The following ADCY3 variants were observed in gnomAD, a reference collection of about 807,000 sequenced individuals.
The protein encoded by ADCY3 is adenylate cyclase type 3.
A neutral mutation model predicts 119.4 loss-of-function variants in ADCY3; 70 were observed. The ratio of observed to expected loss-of-function variants is 0.59; its 90% CI spans 0.48 to 0.72. The LOEUF (loss-of-function observed/expected upper bound fraction) is 0.72, where lower values mean the gene tolerates loss of function less well. ADCY3 is among the 30% of genes least tolerant of loss of function. The pLI is 0.00. For missense variants in ADCY3, 1,238 were observed against 1,541.6 expected (o/e 0.80, Z 3.30); for synonymous variants, 672 against 621.4 (o/e 1.08, Z -1.21).
rs950117943 is a variant in ADCY3 at position 24,873,158 on chromosome 2, T to C, written c.676-439A>G. 3.3e-5 allele frequency among the ~76,000 whole-genome samples: 5 copies of C among 152,206 alleles called. No homozygotes were observed. The East Asian group carries it at 9.6e-4, about 29-fold the overall frequency. On this transcript the variant is annotated intron_variant, in intron 2 of 21. Transcript: ENST00000679454. ...TCTGCCAATTTGTTGGTAAGGAGGG[T>C]GCACAAATCCCAGGTCCCACTGAGC...
rs1230988837 is a variant in ADCY3 at position 24,834,902 on chromosome 2, C to T, written c.1697G>A (p.Arg566Lys). 1.3e-5 allele frequency: 21 copies of T among 1,613,716 alleles called. No homozygotes were observed. The highest frequency in any genetic ancestry group is 1.7e-5 in the Non-Finnish European group (20 of 1,179,994). Reference sequence around the variant, plus strand: ...GTCAGCCAGGTCCTGCAGGCGCAGCCTCCGGCGTGGGTTGGGGAATGAGGG... The same window carrying T: ...GTCAGCCAGGTCCTGCAGGCGCAGCTTCCGGCGTGGGTTGGGGAATGAGGG... ...DNPSFPNPRR[R>K]LRLQDLADRV... Residue 566 changes from arginine to lysine, a missense_variant, in exon 10 of 22, where the codon AGG (arginine) becomes AAG (lysine). Around this residue, in one of 7 missense-constraint regions of ADCY3, gnomAD observed 499 missense variants for 571.0 expected, o/e 0.87. Transcript: ENST00000679454. This position sits in a 1 kb window ranked among gnomAD's most constrained non-coding sequence, Gnocchi z 4.2.
chr2:24,870,905 T>C (rs1053481190), intron 3 of ADCY3, among the ~76,000 whole-genome samples: 25 of 152,276 alleles, frequency 1.6e-4, no homozygotes, highest in African/African-American at 5.3e-4. Flanking sequence ...AAAGTGAGGC[T>C]CTGTAGGGTG....
intron 3 of ADCY3, among the ~76,000 whole-genome samples, chr2:24,866,424 T>C (rs1010387839): frequency 2.0e-5 from 3 of 151,898 alleles, no homozygotes; most frequent in Non-Finnish European, 2.9e-5. Context: ...AACCATTTTT[T>C]TAATTAGCTG....
At chr2:24,888,130 A>G (rs1677278407) in intron 2 of ADCY3, among the ~76,000 whole-genome samples, 1 of 152,186 alleles carries the variant, frequency 6.6e-6, no homozygotes, top group African/African-American at 2.4e-5. Flanking sequence ...ACAAAACTCA[A>G]ATTTCATCAC....
At chr2:24,907,807 C>G (rs564117917) in intron 2 of ADCY3, among the ~76,000 whole-genome samples, 55 of 151,808 alleles carry the variant, frequency 3.6e-4, no homozygotes, top group African/African-American at 1.3e-3. Context: ...CCAGCCTGGC[C>G]AACATGGCGA....
intron 3 of ADCY3, among the ~76,000 whole-genome samples, chr2:24,860,078 T>TCC (rs1443871829): frequency 3.9e-5 from 6 of 152,194 alleles, no homozygotes. Flanking sequence ...CTGTCATCCC[T>TCC]CCATCTTCCC....
intron 2 of ADCY3, among the ~76,000 whole-genome samples, chr2:24,912,015 G>C (rs1332696660): frequency 2.0e-5 from 3 of 152,192 alleles, no homozygotes; most frequent in Non-Finnish European, 2.9e-5. Context: ...TTTGCCTCTT[G>C]CCAGAAGGCA....
intron 3 of ADCY3, among the ~76,000 whole-genome samples, chr2:24,862,711 T>C (rs1261940658): frequency 6.6e-6 from 1 of 151,828 alleles, no homozygotes; most frequent in South Asian, 2.1e-4. Context: ...TTTAGCTCTA[T>C]AAAAAAGAAA....
intron 3 of ADCY3, among the ~76,000 whole-genome samples, chr2:24,846,874 T>C (rs1671716615): frequency 6.6e-6 from 1 of 152,246 alleles, no homozygotes; most frequent in South Asian, 2.1e-4. Flanking sequence ...CCATCATGTC[T>C]GGCCGCTTGC....
At chr2:24,827,734 G>T in intron 14 of ADCY3, 126 bp from the exon 15 acceptor site, 1 of 1,408,950 alleles carries the variant, frequency 7.1e-7, no homozygotes, top group South Asian at 1.2e-5. Flanking sequence ...TCAGGTCCTA[G>T]CCAAACAGTG....
intron 17 of ADCY3, among the ~76,000 whole-genome samples, chr2:24,823,687 C>T (rs1273701756): frequency 9.1e-6 from 1 of 109,966 alleles, no homozygotes; most frequent in African/African-American, 3.0e-5. Context: ...TAGCTCATCG[C>T]TACTTTTTTT....
chr2:24,830,763 G>C lies in ADCY3; in HGVS notation c.2118C>G (p.Asn706Lys). ...TGAAGATGGCGAGCATGGCCCAGGT[G>C]TTCCTGGCCCAGCGGGTCCGGTCAA... Reference protein sequence around the residue: ...TWIDRTRWARNTWAMLAIFIL... With the variant: ...TWIDRTRWARKTWAMLAIFIL... The change falls in exon 13 of 22, where the codon AAC (asparagine) becomes AAG (lysine). Residue 706 changes from asparagine (N) to lysine (K), a missense_variant. Coordinates refer to ENST00000679454, the MANE Select transcript of ADCY3 (RefSeq NM_004036.5). The C allele has an allele frequency of 6.2e-7, 1 of 1,614,148 alleles. No individual in the cohort carries two copies. Among genetic ancestry groups the C allele is most frequent in the Non-Finnish European group, 8.5e-7 (1 of 1,180,014 alleles).
chr2:24,840,250 T>A (rs963786973), intron 6 of ADCY3, among the ~76,000 whole-genome samples: 1 of 152,202 alleles, frequency 6.6e-6, no homozygotes, highest in Non-Finnish European at 1.5e-5. Context: ...ACCAAGCGAC[T>A]TTCCTCCCTA....
In ADCY3 at chr2:24,826,082, A is replaced by C. The variant is rs572878903; in HGVS notation, c.2540T>G (p.Phe847Cys). 1.1e-5 allele frequency: 17 copies of C among 1,614,026 alleles called. No homozygotes were observed. The African/African-American group carries it at 2.0e-4, about 19-fold the overall frequency. The change falls in exon 16 of 22, where the codon TTC becomes TGC. Residue 847 changes from phenylalanine to cysteine, a missense_variant. Transcript: ENST00000679454. Reference protein sequence around the residue: ...PSKYSMTVMVFLMMLSFYYFS... With the variant: ...PSKYSMTVMVCLMMLSFYYFS... Reference sequence around the variant, plus strand: ...GTAGTAGAAGCTGAGCATCATGAGGAACACCATCACCGTCATAGAGTACTT... The same window carrying C: ...GTAGTAGAAGCTGAGCATCATGAGGCACACCATCACCGTCATAGAGTACTT...
chr2:24,877,438 G>A lies in ADCY3; in HGVS notation c.676-4719C>T, dbSNP rs945439380. The stretch of plus-strand genomic sequence containing the variant: ...CCCCTACCTACCCCAGTCCACCCCC[G>A]CCTGAAGAACAAAGAGGAACAAGGC... On this transcript the variant is annotated intron_variant, in intron 2 of 21. Transcript: ENST00000679454. Among the ~76,000 whole-genome samples, 12 of 152,168 alleles carry A rather than the reference G, an allele frequency of 7.9e-5. No individual in the cohort carries two copies. In the East Asian group the frequency reaches 1.9e-3, roughly 25 times the overall value.
chr2:24,864,291 A>G, intron 3 of ADCY3, among the ~76,000 whole-genome samples: 1 of 152,298 alleles, frequency 6.6e-6, no homozygotes, highest in East Asian at 1.9e-4. Context: ...TCTGTCTCAA[A>G]AAAACAAAAC....
rs2149103786 is a variant in ADCY3 at position 24,919,948 on chromosome 2, C to T, written c.-463G>A. ...GGCTGGGAGATCCGTGGGCGCCGGC[C>T]CAGCGCGCCCGCCCTGGGGCTGAGG... On this transcript the variant is annotated 5_prime_UTR_variant, in exon 1 of 22. Coordinates refer to ENST00000679454, the MANE Select transcript of ADCY3 (RefSeq NM_004036.5). The surrounding 1 kb of genome is among the most constrained non-coding windows in gnomAD (Gnocchi z 5.5). 6.7e-6 allele frequency: 1 copy of T among 149,706 alleles called. No individual in the cohort carries two copies. Among genetic ancestry groups the T allele is most frequent in the African/African-American group, 2.4e-5 (1 of 41,266 alleles). 9.3% of individuals were successfully genotyped at this position (149,706 alleles called of 1,614,324 possible).
Position 24,918,187 on chromosome 2 carries a change from G to A in ADCY3, c.675+126C>T, listed in dbSNP as rs1477217006. The A allele has an allele frequency of 2.8e-5, 29 of 1,041,448 alleles. No individual in the cohort carries two copies. The highest frequency in any genetic ancestry group is 7.1e-5 in the Admixed American group (3 of 42,230). The allele number at this position is 1,041,448 out of a possible 1,614,324, so 64.5% of individuals were successfully genotyped here. A position where few individuals can be genotyped will look rare whatever the true frequency, so the allele number is the denominator to read the frequency against. On this transcript the variant is annotated intron_variant, in intron 2 of 21. Transcript: ENST00000679454. This position sits in a 1 kb window ranked among gnomAD's most constrained non-coding sequence, Gnocchi z 5.4. ...AAAGGCAGGGACTAGGGAGAGAGGT[G>A]AGAGCCCCGGAGGCCCCCAGGACAC...
chr2:24,872,726 C>T lies in ADCY3; in HGVS notation c.676-7G>A. The T allele has an allele frequency of 6.2e-7, 1 of 1,612,628 alleles. No homozygotes were observed. The highest frequency in any genetic ancestry group is 8.5e-7 in the Non-Finnish European group (1 of 1,178,972). ...GGAAGACGTTGGCCAGGATCTGCAC[C>T]CCAAGGAAGAAGAGAGAAAAGGCCA... On this transcript the variant is annotated splice_polypyrimidine_tract_variant and splice_region_variant and intron_variant, in intron 2 of 21. Coordinates refer to ENST00000679454, the MANE Select transcript of ADCY3 (RefSeq NM_004036.5). The surrounding 1 kb of genome is among the most constrained non-coding windows in gnomAD (Gnocchi z 4.4).
Sources: allele counts gnomAD v4.1 joint callset (sites outside exome capture counted in the v4.1 genomes callset), GRCh38; gene constraint gnomAD v4.1.1; regional missense constraint gnomAD v4.1.1; non-coding constraint Gnocchi (gnomAD v3.1); transcripts MANE v1.5; gene names NCBI Gene and HGNC (gene_info 2026-07-23, HGNC 2026-07-21).